The following PRKCH variants were observed in gnomAD, a reference collection of about 807,000 sequenced individuals.
PRKCH encodes the protein protein kinase C eta.
Under a neutral mutation model 82.5 loss-of-function variants are expected in PRKCH, and 28 were observed. That is an observed-to-expected ratio of 0.34 (90% CI 0.25 to 0.47). The LOEUF (loss-of-function observed/expected upper bound fraction) is 0.47, where lower values mean the gene tolerates loss of function less well. Ranked by LOEUF, PRKCH falls within the 20% of genes least tolerant of loss-of-function variation. The pLI, the probability that PRKCH is intolerant of heterozygous loss-of-function variation, is 1.00. For missense variants in PRKCH, 705 were observed against 881.8 expected (o/e 0.80, Z 2.54); for synonymous variants, 322 against 327.4 (o/e 0.98, Z 0.18).
chr14:61,446,928 CT>C (rs1467447321), intron 4 of PRKCH, among the ~76,000 whole-genome samples: 2 of 152,138 alleles, frequency 1.3e-5, no homozygotes, highest in African/African-American at 4.8e-5. Flanking sequence ...CCTATAGTGC[CT>C]GGATATTTGA....
chr14:61,296,150 T>C (rs1262684005), intron 1 of PRKCH, among the ~76,000 whole-genome samples: 1 of 152,238 alleles, frequency 6.6e-6, no homozygotes, highest in Non-Finnish European at 1.5e-5. Flanking sequence ...AACTTTATTT[T>C]TAAAATTCCT....
intron 10 of PRKCH, among the ~76,000 whole-genome samples, chr14:61,527,277 T>TCTG (rs1555396033): frequency 1.3e-5 from 2 of 152,054 alleles, no homozygotes; most frequent in African/African-American, 2.4e-5. Context: ...GTCTCCATAA[T>TCTG]CTAGGCTTCT....
At chr14:61,407,376 C>A (rs1451214647) in intron 2 of PRKCH, among the ~76,000 whole-genome samples, 2 of 152,208 alleles carry the variant, frequency 1.3e-5, no homozygotes. Context: ...TCCACCCAGG[C>A]ACAGGAGAAC....
At chr14:61,485,471 A>G (rs764218351) in intron 9 of PRKCH, 31 bp from the exon 10 acceptor site, 13 of 1,609,392 alleles carry the variant, frequency 8.1e-6, no homozygotes, top group Non-Finnish European at 1.1e-5. Context: ...TTGCTACACC[A>G]CATTGGGCCC....
At chr14:61,289,151 C>T (rs946331359) in intron 1 of PRKCH, among the ~76,000 whole-genome samples, 1 of 152,142 alleles carries the variant, frequency 6.6e-6, no homozygotes, top group Admixed American at 6.5e-5. Context: ...ACACCCAGCC[C>T]CACTTTTAAA....
chr14:61,267,352 G>A (rs545455950), intron 1 of PRKCH, among the ~76,000 whole-genome samples: 10 of 152,172 alleles, frequency 6.6e-5, no homozygotes, highest in Non-Finnish European at 1.5e-4. Context: ...CCGGTTCAAG[G>A]AGACCTCAGG....
rs144604417 is a variant in PRKCH, at chr14:61,235,671, T to A, written c.-19+48003T>A. On this transcript the variant is annotated intron_variant, in intron 1 of 3. Coordinates refer to the PRKCH transcript ENST00000555185. ...GCAACCACTTTACATAAAGCATGTT[T>A]AAATACACTAACCCTCCTATAAACT... Among the ~76,000 whole-genome samples, 177 of 152,306 alleles carry A rather than the reference T, an allele frequency of 1.2e-3. 1 individual carries two copies. Among genetic ancestry groups the A allele is most frequent in the South Asian group, 2.5e-3 (12 of 4,824 alleles).
In PRKCH at chr14:61,501,409, G is replaced by GA. The variant is rs563261448; in HGVS notation, c.1433+15760dup. 6.5e-4 allele frequency among the ~76,000 whole-genome samples: 98 copies of GA among 151,458 alleles called. 2 individuals carry two copies. In the East Asian group the frequency reaches 0.015, roughly 23 times the overall value. Reference sequence around the variant, plus strand: ...GTTTGTCCCTGATAGACAAATAAATGAAAAAAAGAGAGATGTGTGCTCATT... The same window carrying GA: ...GTTTGTCCCTGATAGACAAATAAATGAAAAAAAAGAGAGATGTGTGCTCATT... On this transcript the variant is annotated intron_variant, in intron 10 of 13. Transcript: ENST00000332981.
chr14:61,548,937 A>G (rs2043294113), intron 13 of PRKCH, among the ~76,000 whole-genome samples: 1 of 152,022 alleles, frequency 6.6e-6, no homozygotes, highest in African/African-American at 2.4e-5. Flanking sequence ...ATACTCACTT[A>G]GAAATGATCT....
At chr14:61,548,010 A>C in intron 13 of PRKCH, 124 bp downstream of exon 13, 1 of 1,300,654 alleles carries the variant, frequency 7.7e-7, no homozygotes, top group Non-Finnish European at 1.1e-6. Flanking sequence ...TGGATACTGC[A>C]CAGGGCAGCC....
chr14:61,399,383 T>G (rs1280419748), intron 2 of PRKCH, among the ~76,000 whole-genome samples: 2 of 152,210 alleles, frequency 1.3e-5, no homozygotes, highest in Admixed American at 1.3e-4. Flanking sequence ...ACTTACAAAT[T>G]AAAGCTGGAG....
At chr14:61,279,655 G>C (rs537960658) in intron 1 of PRKCH, 1 of 156,784 alleles carries the variant, frequency 6.4e-6, no homozygotes, top group East Asian at 1.9e-4. Context: ...CCCGACCAAA[G>C]AAAAGAAAAC....
intron 1 of PRKCH, among the ~76,000 whole-genome samples, chr14:61,257,243 A>G (rs1320501887): frequency 6.6e-6 from 1 of 152,214 alleles, no homozygotes; most frequent in Non-Finnish European, 1.5e-5. Flanking sequence ...AAACACTGAG[A>G]CAATCTCTTA....
At chr14:61,203,355 G>A (rs530841223) in intron 1 of PRKCH, among the ~76,000 whole-genome samples, 2 of 152,250 alleles carry the variant, frequency 1.3e-5, no homozygotes, top group South Asian at 4.1e-4. Context: ...AGTGGTCTGC[G>A]AAAGAGGTGC....
chr14:61,357,697 C>T (rs1031904624), intron 1 of PRKCH, among the ~76,000 whole-genome samples: 1 of 152,194 alleles, frequency 6.6e-6, no homozygotes, highest in Non-Finnish European at 1.5e-5. Context: ...CCAACACATC[C>T]ACTCTCTTCT....
chr14:61,264,363 T>G (rs959535841), intron 1 of PRKCH, among the ~76,000 whole-genome samples: 1 of 152,222 alleles, frequency 6.6e-6, no homozygotes, highest in Non-Finnish European at 1.5e-5. Context: ...TTCCACTAAT[T>G]AAATATTTGC....
At chr14:61,444,721 G>A (rs1594713490) in intron 3 of PRKCH, among the ~76,000 whole-genome samples, 1 of 152,128 alleles carries the variant, frequency 6.6e-6, no homozygotes, top group African/African-American at 2.4e-5. Context: ...CTGGGTGTGT[G>A]ACTTAGTCAA....
At chr14:61,348,923 C>T (rs2046033803) in intron 1 of PRKCH, among the ~76,000 whole-genome samples, 1 of 152,276 alleles carries the variant, frequency 6.6e-6, no homozygotes, top group South Asian at 2.1e-4. Flanking sequence ...ACACAGGAAG[C>T]ACTCTCTTAG....
intron 1 of PRKCH, chr14:61,347,909 CT>C (rs2046017628): frequency 6.5e-6 from 1 of 152,798 alleles, no homozygotes; most frequent in African/African-American, 2.4e-5. Context: ...CTTTAACAAG[CT>C]TGGCGGAGGC....
Sources: gnomAD v4.1 joint callset for allele counts (sites outside exome capture counted in the v4.1 genomes callset) on GRCh38, gnomAD v4.1.1 for gene constraint, MANE v1.5 for transcripts, NCBI Gene and HGNC (gene_info 2026-07-23, HGNC 2026-07-21) for gene names.